FRMPD1: variants seen among roughly 807,000 people sequenced by gnomAD.
FRMPD1 encodes the protein FERM and PDZ domain-containing protein 1.
In FRMPD1, 76 loss-of-function variants were observed where a neutral mutation model predicts 117.8. The observed-to-expected ratio is 0.65, with a 90% confidence interval of 0.54 to 0.78. FRMPD1 has a LOEUF of 0.78. Ranked by LOEUF, FRMPD1 falls within the 30% of genes least tolerant of loss-of-function variation. The probability of loss-of-function intolerance (pLI) is 0.00; values close to 1 mark genes in which losing one functional copy is unlikely to be tolerated. For synonymous variants in FRMPD1, 783 were observed against 770.4 expected (o/e 1.02, Z -0.27); for missense variants, 1,786 against 1,964.5 (o/e 0.91, Z 1.72).
At position 37,744,905 on chromosome 9, in the gene FRMPD1, T is replaced by C. The variant is rs770001463; in HGVS notation, c.2873T>C (p.Val958Ala). 1.2e-6 allele frequency: 2 copies of C among 1,614,228 alleles called. No individual in the cohort carries two copies. The highest frequency in any genetic ancestry group is 4.5e-5 in the East Asian group (2 of 44,884). The change falls in exon 16 of 16, where the codon GTT (valine) becomes GCT (alanine). Residue 958 changes from valine to alanine, a missense_variant. Val to Ala is a moderately conservative substitution (Grantham distance 64). Coordinates refer to ENST00000377765, the MANE Select transcript of FRMPD1 (RefSeq NM_014907.3). ...IDPNNKENSG[V>A]VPAASSSAST... ...CCCAACAATAAAGAGAATTCTGGTGTTGTCCCTGCTGCCAGCTCCTCAGCA... is the reference window on the plus strand; with the variant it reads ...CCCAACAATAAAGAGAATTCTGGTGCTGTCCCTGCTGCCAGCTCCTCAGCA...
chr9:37,637,986 TTCTTTC>T, the FRMPD1 span, among the ~76,000 whole-genome samples: 1 of 123,054 alleles, frequency 8.1e-6, no homozygotes, highest in Non-Finnish European at 1.7e-5. Context: ...CTTTCTTTCT[TTCTTTC>T]TTTCTTTCTT....
the FRMPD1 span, among the ~76,000 whole-genome samples, chr9:37,638,094 G>A: frequency 1.4e-5 from 2 of 143,776 alleles, no homozygotes; most frequent in African/African-American, 5.3e-5. Context: ...TTTCTTTCGA[G>A]ACGGAGTCTT....
At chr9:37,657,159 G>A (rs1235671654) in intron 1 of FRMPD1, among the ~76,000 whole-genome samples, 5 of 152,206 alleles carry the variant, frequency 3.3e-5, no homozygotes, top group Admixed American at 6.5e-5. Context: ...AGATGTGCAG[G>A]CAGCTGAGAA....
chr9:37,647,368 C>G (rs901227417), upstream of FRMPD1, among the ~76,000 whole-genome samples: 2 of 151,812 alleles, frequency 1.3e-5, no homozygotes, highest in African/African-American at 2.4e-5. Context: ...AAAAATTAAC[C>G]GGGCGGGGTG....
At chr9:37,718,637 ACT>A (rs1823255519) in intron 5 of FRMPD1, among the ~76,000 whole-genome samples, 1 of 151,456 alleles carries the variant, frequency 6.6e-6, no homozygotes, top group Admixed American at 6.6e-5. Flanking sequence ...AGATGGGAAG[ACT>A]CTGAAGGCCA....
At chr9:37,637,337 T>A in the FRMPD1 span, 19 of 927,308 alleles carry the variant, frequency 2.0e-5, no homozygotes, top group East Asian at 4.8e-5. Context: ...TCGGCTCTGC[T>A]CCGCCTCCCG....
rs562842860 is a variant in FRMPD1, at chr9:37,727,709, G to A, written c.613-2019G>A. 3.9e-3 allele frequency among the ~76,000 whole-genome samples: 372 copies of A among 94,766 alleles called. 2 individuals are homozygous for A. The highest frequency in any genetic ancestry group is 0.011 in the African/African-American group (356 of 31,496). The allele number at this position is 94,766 out of a possible 152,430, so 62.2% of individuals were successfully genotyped here. A position where few individuals can be genotyped will look rare whatever the true frequency, so the allele number is the denominator to read the frequency against. ...CAGGACTAGTCACTGGGTAGTTATG[G>A]GGGGTGATGAACAAGTGGAGAGAGG... On this transcript the variant is annotated intron_variant, in intron 7 of 15. Transcript: ENST00000377765.
Position 37,686,804 on chromosome 9 carries a change from GA to G in FRMPD1, c.-4-5833del, listed in dbSNP as rs375118863. ...AGGCTCGATGGCCTTCAGTCCTATG[GA>G]TATGTTCGAGATCCCTGACAACTCT... On this transcript the variant is annotated intron_variant, in intron 1 of 15. Transcript: ENST00000377765. 5.9e-5 allele frequency among the ~76,000 whole-genome samples: 9 copies of G among 152,310 alleles called. No individual in the cohort carries two copies. The East Asian group carries it at 1.7e-3, about 29-fold the overall frequency.
chr9:37,664,305 G>GTATTTATTTATT (rs3075982), intron 1 of FRMPD1, among the ~76,000 whole-genome samples: 1 of 149,420 alleles, frequency 6.7e-6, no homozygotes. Flanking sequence ...ATGTATGTAT[G>GTATTTATTTATT]TATTTATTTA....
the FRMPD1 span, among the ~76,000 whole-genome samples, chr9:37,642,339 T>G: frequency 5.4e-3 from 827 of 152,296 alleles, 11 homozygotes; most frequent in African/African-American, 0.019. Flanking sequence ...CCTTAGAGCC[T>G]TCCCATAGGC....
rs770330818 is a variant in FRMPD1, at chr9:37,692,792, G to A, written c.101+50G>A. On this transcript the variant is annotated intron_variant, in intron 2 of 15. Coordinates refer to ENST00000377765, the MANE Select transcript of FRMPD1 (RefSeq NM_014907.3). ...TCTGTCTATAAAGGTCTGGTGTCCC[G>A]GGGGAGGAGCTTGTGCTGGTCCTGG... The A allele has an allele frequency of 2.2e-5, 29 of 1,307,006 alleles. 1 individual carries two copies. Among genetic ancestry groups the A allele is most frequent in the Admixed American group, 1.0e-4 (6 of 59,602 alleles). 81.0% of individuals were successfully genotyped at this position (1,307,006 alleles called of 1,614,324 possible). A position where few individuals can be genotyped will look rare whatever the true frequency, so the allele number is the denominator to read the frequency against.
intron 2 of FRMPD1, among the ~76,000 whole-genome samples, chr9:37,701,510 C>CGTGTGTGTGTGTGTGTGT (rs58458625): frequency 3.7e-4 from 54 of 146,914 alleles, no homozygotes; most frequent in African/African-American, 1.2e-3. Context: ...TGTGCATGTA[C>CGTGTGTGTGTGTGTGTGT]GTGTGTGTGT....
At chr9:37,681,212 C>CAAAAAA (rs72098221) in intron 1 of FRMPD1, among the ~76,000 whole-genome samples, 5 of 85,638 alleles carry the variant, frequency 5.8e-5, no homozygotes, top group Non-Finnish European at 6.6e-5. Flanking sequence ...GACTCTGTCT[C>CAAAAAA]AAAAAAAAAA....
At position 37,719,184 on chromosome 9, in the gene FRMPD1, A is replaced by C. The variant is rs1823284622; in HGVS notation, c.516+8A>C. 6.5e-7 allele frequency: 1 copy of C among 1,530,022 alleles called. No homozygotes were observed. 94.8% of individuals were successfully genotyped at this position (1,530,022 alleles called of 1,614,324 possible). On this transcript the variant is annotated splice_region_variant and intron_variant, in intron 6 of 15. Transcript: ENST00000377765. ...ATCAGTGGACACAGCCAGGTGTGTC[A>C]CTAGTCAAGGGATTGAAATTATGAA...
At chr9:37,742,693 GT>G (rs1447213659) in intron 15 of FRMPD1, among the ~76,000 whole-genome samples, 1 of 152,186 alleles carries the variant, frequency 6.6e-6, no homozygotes, top group Non-Finnish European at 1.5e-5. Flanking sequence ...GAGGTTGGGA[GT>G]TTGAGACTAG....
the FRMPD1 span, among the ~76,000 whole-genome samples, chr9:37,642,008 G>A: frequency 6.6e-6 from 1 of 152,336 alleles, no homozygotes; most frequent in Non-Finnish European, 1.5e-5. Context: ...ACCTAGAAAG[G>A]TAGGACAGGC....
At chr9:37,608,390 T>C in the FRMPD1 span, among the ~76,000 whole-genome samples, 5 of 151,838 alleles carry the variant, frequency 3.3e-5, no homozygotes, top group African/African-American at 7.3e-5. Context: ...TTCTTTCTTT[T>C]TTTTTTTCTA....
upstream of FRMPD1, among the ~76,000 whole-genome samples, chr9:37,647,810 C>T (rs949016729): frequency 6.6e-6 from 1 of 152,004 alleles, no homozygotes; most frequent in Non-Finnish European, 1.5e-5. Context: ...ATATTTTTGA[C>T]CAGGATTTAA....
intron 1 of FRMPD1, among the ~76,000 whole-genome samples, chr9:37,689,998 C>T (rs1563932935): frequency 6.6e-6 from 1 of 151,666 alleles, no homozygotes; most frequent in Non-Finnish European, 1.5e-5. Flanking sequence ...GGTCTTTTTT[C>T]ATTCACTAGG....
Sources: allele counts gnomAD v4.1 joint callset (sites outside exome capture counted in the v4.1 genomes callset), GRCh38; gene constraint gnomAD v4.1.1; transcripts MANE v1.5; gene names NCBI Gene and HGNC (gene_info 2026-07-23, HGNC 2026-07-21).